The following B3GALNT2 variants were observed in gnomAD, a reference collection of about 807,000 sequenced individuals.
B3GALNT2 encodes the protein beta-1,3-N-acetylgalactosaminyltransferase 2.
Under a neutral mutation model 61.1 loss-of-function variants are expected in B3GALNT2, and 53 were observed. The ratio of observed to expected loss-of-function variants is 0.87; its 90% CI spans 0.70 to 1.09. The LOEUF is 1.09. Among genes scored for constraint, B3GALNT2 ranks in the 50% least tolerant of loss-of-function variants. The pLI is 0.00. For synonymous variants in B3GALNT2, 223 were observed against 237.4 expected (o/e 0.94, Z 0.56); for missense variants, 544 against 623.0 (o/e 0.87, Z 1.35).
At chr1:235,471,045 G>A in intron 5 of B3GALNT2, 85 bp from the exon 6 acceptor site, 1 of 1,550,782 alleles carries the variant, frequency 6.4e-7, no homozygotes, top group East Asian at 2.3e-5. Context: ...GATTTTTAGA[G>A]AAAATTTTTC....
At chr1:235,479,907 T>G in intron 5 of B3GALNT2, 147 bp downstream of exon 5, 2 of 1,375,538 alleles carry the variant, frequency 1.5e-6, no homozygotes, top group Non-Finnish European at 1.9e-6. Flanking sequence ...GTGCTATGTT[T>G]TAGCCCATCC....
chr1:235,503,830 G>A lies in B3GALNT2; in HGVS notation c.112+311C>T, dbSNP rs12563639. 0.18 allele frequency among the ~76,000 whole-genome samples: 27,401 copies of A among 152,120 alleles called. 3,217 individuals are homozygous for A. Among genetic ancestry groups the A allele is most frequent in the East Asian group, 0.52 (2,696 of 5,152 alleles). On this transcript the variant is annotated intron_variant, in intron 1 of 11. Coordinates refer to ENST00000366600, the MANE Select transcript of B3GALNT2 (RefSeq NM_152490.5). ...GGCACACGAGGTTCCGCTCCCGGGC[G>A]AACGGGCGGCGTCGGACATCACTAA...
chr1:235,450,919 G>T (rs1682858730), intron 11 of B3GALNT2: 1 of 152,276 alleles, frequency 6.6e-6, no homozygotes, highest in Non-Finnish European at 1.5e-5. Context: ...TACGTGAATT[G>T]GTTTCTATTT....
At chr1:235,471,448 CA>C (rs1684003295) in intron 5 of B3GALNT2, among the ~76,000 whole-genome samples, 1 of 152,116 alleles carries the variant, frequency 6.6e-6, no homozygotes. Flanking sequence ...CTTACATTCC[CA>C]GAGTGAAATT....
intron 4 of B3GALNT2, among the ~76,000 whole-genome samples, 177 bp downstream of exon 4, chr1:235,484,145 C>A (rs1684684922): frequency 6.6e-6 from 1 of 152,022 alleles, no homozygotes; most frequent in Non-Finnish European, 1.5e-5. Context: ...ATAATCTATC[C>A]CCAAACCAGT....
chr1:235,465,936 A>G, intron 6 of B3GALNT2: 1 of 484,224 alleles, frequency 2.1e-6, no homozygotes, highest in South Asian at 3.7e-5. Flanking sequence ...CCAACATTCC[A>G]TAAGGTGTTC....
At chr1:235,478,149 T>G (rs1684373744) in intron 5 of B3GALNT2, among the ~76,000 whole-genome samples, 1 of 151,850 alleles carries the variant, frequency 6.6e-6, no homozygotes, top group African/African-American at 2.4e-5. Context: ...GTCCCCCGGG[T>G]TCAAGCGATA....
chr1:235,450,056 A>C lies in B3GALNT2; in HGVS notation c.*150T>G. On this transcript the variant is annotated 3_prime_UTR_variant, in exon 12 of 12. Transcript: ENST00000366600. The stretch of plus-strand genomic sequence containing the variant: ...TAAGGAAATTTGTGCAAACATTAAG[A>C]AACACCGCATTGGTTCTGGGTGAAA... 1 of 899,838 alleles carries C rather than the reference A, an allele frequency of 1.1e-6. No homozygotes were observed. The highest frequency in any genetic ancestry group is 1.6e-6 in the Non-Finnish European group (1 of 606,924). The allele number at this position is 899,838 out of a possible 1,614,324, so 55.7% of individuals were successfully genotyped here.
intron 5 of B3GALNT2, among the ~76,000 whole-genome samples, chr1:235,472,072 C>A (rs1305833472): frequency 6.6e-6 from 1 of 151,900 alleles, no homozygotes; most frequent in Non-Finnish European, 1.5e-5. Context: ...GCTGCTTTGC[C>A]ATCTGCCCTC....
intron 7 of B3GALNT2, among the ~76,000 whole-genome samples, chr1:235,459,950 C>T (rs962921052): frequency 3.3e-5 from 5 of 151,928 alleles, no homozygotes; most frequent in South Asian, 2.1e-4. Context: ...TTAGCTACCA[C>T]GCCCGGCTAA....
chr1:235,441,951 TCTCTTAAGTGTGTAC>T, the B3GALNT2 span: 3 of 1,398,066 alleles, frequency 2.1e-6, no homozygotes, highest in East Asian at 2.3e-5. Context: ...TTAGTGTGTT[TCTCTTAAGTGTGTAC>T]CTCTTAAGTA....
chr1:235,462,719 T>C (rs892024679), intron 7 of B3GALNT2, among the ~76,000 whole-genome samples: 1 of 152,172 alleles, frequency 6.6e-6, no homozygotes, highest in South Asian at 2.1e-4. Context: ...TAATAAGACA[T>C]GGATGTTCAA....
rs59405398 is a variant in B3GALNT2 at position 235,448,220 on chromosome 1, CA to C, written c.*1985del. On this transcript the variant is annotated 3_prime_UTR_variant, in exon 12 of 12. Transcript: ENST00000366600. ...CTTAAGTAAGTAAGTAAGTCAGTCT[CA>C]AAAAAAAAAAAAAAAAAAAGACAGA... is the stretch of plus-strand genomic sequence containing the variant. 88,798 of 506,400 alleles carry C rather than the reference CA, an allele frequency of 0.18. 46 individuals are homozygous for C. Among genetic ancestry groups the C allele is most frequent in the East Asian group, 0.22 (6,273 of 28,350 alleles). 31.4% of individuals were successfully genotyped at this position (506,400 alleles called of 1,614,324 possible). A position where few individuals can be genotyped will look rare whatever the true frequency, so the allele number is the denominator to read the frequency against.
intron 10 of B3GALNT2, among the ~76,000 whole-genome samples, chr1:235,453,657 G>C (rs1342259371): frequency 6.6e-6 from 1 of 152,120 alleles, no homozygotes; most frequent in African/African-American, 2.4e-5. Context: ...ATGTTGGCCA[G>C]GCTGGTTTTG....
intron 7 of B3GALNT2, 166 bp downstream of exon 7, chr1:235,465,470 T>C (rs2102803509): frequency 2.7e-6 from 3 of 1,100,354 alleles, no homozygotes; most frequent in Admixed American, 3.1e-5. Context: ...GAGCCGGTTG[T>C]AGAACTCTAA....
chr1:235,458,080 G>T (rs1485272078), intron 8 of B3GALNT2, among the ~76,000 whole-genome samples: 2 of 151,728 alleles, frequency 1.3e-5, no homozygotes, highest in Non-Finnish European at 2.9e-5. Flanking sequence ...GCTAATTTTT[G>T]TATTTTTAGT....
chr1:235,450,088 G>A lies in B3GALNT2; in HGVS notation c.*118C>T. 1 of 1,283,768 alleles carries A rather than the reference G, an allele frequency of 7.8e-7. No individual in the cohort carries two copies. Among genetic ancestry groups the A allele is most frequent in the Non-Finnish European group, 1.1e-6 (1 of 916,610 alleles). The allele number at this position is 1,283,768 out of a possible 1,614,324, so 79.5% of individuals were successfully genotyped here. On this transcript the variant is annotated 3_prime_UTR_variant, in exon 12 of 12. Coordinates refer to ENST00000366600, the MANE Select transcript of B3GALNT2 (RefSeq NM_152490.5). ...GCATTGGTTCTGGGTGAAAGTGCCAGTCTGGAACTCTCTTGAAAGACCATA... is the reference window on the plus strand; with the variant it reads ...GCATTGGTTCTGGGTGAAAGTGCCAATCTGGAACTCTCTTGAAAGACCATA...
Position 235,455,630 on chromosome 1 carries a change from G to T in B3GALNT2, c.1080C>A (p.Tyr360Ter). Residue 360 changes from tyrosine (Y) to a stop codon, truncating the protein, a stop_gained, in exon 9 of 12, where the codon TAC becomes TAA. Coordinates refer to ENST00000366600, the MANE Select transcript of B3GALNT2 (RefSeq NM_152490.5). LOFTEE classifies it high-confidence loss of function. ...TATTAAATACAGCTTCGAGGTCTAT[G>T]TAACAGTCATCATCTGTCTTCAGCA... ...NLLLKTDDDCYIDLEAVFNRI... is the reference protein window; with the variant it reads ...NLLLKTDDDC The T allele has an allele frequency of 6.2e-7, 1 of 1,604,210 alleles. No individual in the cohort carries two copies. Among genetic ancestry groups the T allele is most frequent in the Non-Finnish European group, 8.5e-7 (1 of 1,170,968 alleles).
the B3GALNT2 span, among the ~76,000 whole-genome samples, chr1:235,440,033 C>T: frequency 1.6e-3 from 240 of 151,964 alleles, 4 homozygotes; most frequent in Non-Finnish European, 2.5e-4. Flanking sequence ...TGCAGTGCCG[C>T]GATCTCCGCT....
Sources: gnomAD v4.1 joint callset for allele counts (sites outside exome capture counted in the v4.1 genomes callset) on GRCh38, gnomAD v4.1.1 for gene constraint, MANE v1.5 for transcripts, NCBI Gene and HGNC (gene_info 2026-07-23, HGNC 2026-07-21) for gene names.